MAD1L1: variants seen among roughly 807,000 people sequenced by gnomAD.
The protein encoded by MAD1L1 is mitotic spindle assembly checkpoint protein MAD1.
MAD1L1 carries 95 observed loss-of-function variants against 96.9 expected under a neutral mutation model. That is an observed-to-expected ratio of 0.98 (90% CI 0.83 to 1.16). The LOEUF (loss-of-function observed/expected upper bound fraction) is 1.16. MAD1L1 is among the 50% of genes most tolerant of loss of function. The pLI is 0.00. For missense variants in MAD1L1, 1,007 were observed against 954.4 expected, an observed-to-expected ratio of 1.06 and a Z score of -0.73; for synonymous variants, 473 against 396.6, an observed-to-expected ratio of 1.19 and a Z score of -2.29.
In MAD1L1 at chr7:2,150,413, G is replaced by A. The variant is rs529264864; in HGVS notation, c.987-1175C>T. Among the ~76,000 whole-genome samples, 206 of 152,242 alleles carry A rather than the reference G, an allele frequency of 1.4e-3. 2 individuals carry two copies. Among genetic ancestry groups the A allele is most frequent in the African/African-American group, 4.7e-3 (194 of 41,526 alleles). The stretch of plus-strand genomic sequence containing the variant: ...CAGACTCTGCCCTGAGACAGCCACT[G>A]ACCTTTCCTGTCACTTGAGCACCCT... On this transcript the variant is annotated intron_variant, in intron 10 of 18. Coordinates refer to ENST00000265854, the MANE Select transcript of MAD1L1 (RefSeq NM_001013836.2).
chr7:2,014,604 G>A lies in MAD1L1; in HGVS notation c.1257C>T (p.Asp419=), dbSNP rs1286676284. The change falls in exon 13 of 19, where the codon GAC becomes GAT. Residue 419 remains aspartate (D), a synonymous_variant. Transcript: ENST00000265854. ...DGMRAILGSY[D]SELTPAEYSP... Reference sequence around the variant, plus strand: ...AGTACTCGGCCGGGGTCAGCTCGCTGTCGTAGGACCCCAGGATGGCCCGCA... The same window carrying A: ...AGTACTCGGCCGGGGTCAGCTCGCTATCGTAGGACCCCAGGATGGCCCGCA... 8 of 1,612,490 alleles carry A rather than the reference G, an allele frequency of 5.0e-6. No homozygotes were observed. The highest frequency in any genetic ancestry group is 6.8e-6 in the Non-Finnish European group (8 of 1,179,746).
At chr7:1,907,384 C>A (rs1787727545) in intron 17 of MAD1L1, among the ~76,000 whole-genome samples, 1 of 152,202 alleles carries the variant, frequency 6.6e-6, no homozygotes, top group South Asian at 2.1e-4. Context: ...CACGGCACAG[C>A]CATTTTTCTT....
intron 17 of MAD1L1, among the ~76,000 whole-genome samples, chr7:1,919,604 C>T (rs977516559): frequency 6.6e-6 from 1 of 152,262 alleles, no homozygotes; most frequent in Non-Finnish European, 1.5e-5. Context: ...CAGGCCACAG[C>T]CGCCATCGTC....
At chr7:2,001,589 G>A (rs1781795891) in intron 14 of MAD1L1, among the ~76,000 whole-genome samples, 1 of 152,236 alleles carries the variant, frequency 6.6e-6, no homozygotes, top group Admixed American at 6.5e-5. Context: ...ACAGAGGGCA[G>A]ATAAGCACTC....
rs531175465 is a variant in MAD1L1, at chr7:1,817,248, T to C, written c.1999-1020A>G. ...GCGTCGCTGGCGGGAGCGTGTGTGG[T>C]GCGGCCACTGCAAACAGCCGGCAGC... is the stretch of plus-strand genomic sequence containing the variant. On this transcript the variant is annotated intron_variant, in intron 18 of 18. Coordinates refer to ENST00000265854, the MANE Select transcript of MAD1L1 (RefSeq NM_001013836.2). Among the ~76,000 whole-genome samples, 5 of 151,988 alleles carry C rather than the reference T, an allele frequency of 3.3e-5. No individual in the cohort carries two copies. In the South Asian group the frequency reaches 1.0e-3, roughly 32 times the overall value.
chr7:1,906,040 A>T (rs1188600965), intron 17 of MAD1L1, among the ~76,000 whole-genome samples: 1 of 125,346 alleles, frequency 8.0e-6, no homozygotes, highest in Non-Finnish European at 1.7e-5. Flanking sequence ...ACACAGTAAG[A>T]CTCCATCTCA....
intron 11 of MAD1L1, among the ~76,000 whole-genome samples, chr7:2,123,430 G>A (rs569228329): frequency 1.3e-3 from 202 of 152,298 alleles, no homozygotes; most frequent in Non-Finnish European, 2.2e-3. Context: ...GGTGCAGGAC[G>A]GAGAGAGGGC....
At chr7:2,209,021 G>A (rs1212168899) in intron 10 of MAD1L1, among the ~76,000 whole-genome samples, 3 of 152,102 alleles carry the variant, frequency 2.0e-5, no homozygotes, top group Admixed American at 1.3e-4. Context: ...CCTTCCCCAC[G>A]TGTGTTCACG....
chr7:2,218,181 G>A (rs567232277), intron 6 of MAD1L1, 138 bp from the exon 7 acceptor site: 11 of 657,254 alleles, frequency 1.7e-5, no homozygotes, highest in Middle Eastern at 3.4e-4. Flanking sequence ...CCACGGCACA[G>A]ACCCCCCGCC....
chr7:1,817,573 A>C (rs1043785273), intron 18 of MAD1L1: 2 of 152,160 alleles, frequency 1.3e-5, no homozygotes, highest in African/African-American at 4.8e-5. Flanking sequence ...TGCCCAGGGG[A>C]TGTCCTGGAG....
At position 1,816,059 on chromosome 7, in the gene MAD1L1, G is replaced by A. The variant is rs145736405; in HGVS notation, c.*11C>T. The A allele has an allele frequency of 1.0e-4, 160 of 1,602,770 alleles. No individual in the cohort carries two copies. The African/African-American group carries it at 1.7e-3, about 18-fold the overall frequency. On this transcript the variant is annotated 3_prime_UTR_variant, in exon 19 of 19. Coordinates refer to ENST00000265854, the MANE Select transcript of MAD1L1 (RefSeq NM_001013836.2). ...GCAGAGTGGCTCCGGCTATGCCCCC[G>A]AGCCTGCAGGCTACGCCACGGTCTG...
chr7:1,870,882 G>A (rs1215365667), intron 18 of MAD1L1, among the ~76,000 whole-genome samples: 12 of 128,076 alleles, frequency 9.4e-5, no homozygotes, highest in African/African-American at 2.2e-4. Flanking sequence ...CCTAACATAC[G>A]CCTGCCACGA....
chr7:2,180,916 A>G (rs1008613345), intron 10 of MAD1L1, among the ~76,000 whole-genome samples: 2 of 152,160 alleles, frequency 1.3e-5, no homozygotes, highest in Non-Finnish European at 2.9e-5. Flanking sequence ...TCCTGGGTAG[A>G]GCCTCCAGCA....
intron 12 of MAD1L1, among the ~76,000 whole-genome samples, chr7:2,067,646 G>A (rs944401853): frequency 2.6e-4 from 39 of 152,348 alleles, no homozygotes; most frequent in African/African-American, 8.7e-4. Flanking sequence ...GTCAGCCCGC[G>A]TGCTGTGGCC....
chr7:2,022,435 A>C (rs1352731535), intron 12 of MAD1L1, among the ~76,000 whole-genome samples: 1 of 152,238 alleles, frequency 6.6e-6, no homozygotes, highest in Non-Finnish European at 1.5e-5. Flanking sequence ...GTTCAAGACC[A>C]GCCTGGCCAA....
intron 12 of MAD1L1, among the ~76,000 whole-genome samples, chr7:2,064,792 G>GAAT (rs557052926): frequency 0.032 from 4,640 of 144,304 alleles, 152 homozygotes; most frequent in Admixed American, 0.091. Flanking sequence ...CTTCTCCCAG[G>GAAT]ACGGAGGCTT....
intron 11 of MAD1L1, among the ~76,000 whole-genome samples, chr7:2,126,877 T>C (rs977154183): frequency 2.6e-5 from 4 of 152,114 alleles, no homozygotes; most frequent in Admixed American, 2.0e-4. Context: ...AATAACCCCC[T>C]CTCACACTGC....
intron 1 of MAD1L1, among the ~76,000 whole-genome samples, chr7:2,232,446 C>G (rs988418386): frequency 6.6e-6 from 1 of 152,234 alleles, no homozygotes; most frequent in African/African-American, 2.4e-5. Context: ...ATGCCAAGAG[C>G]CCCTGCAGCC....
At chr7:2,113,525 A>G (rs1225196134) in intron 11 of MAD1L1, among the ~76,000 whole-genome samples, 1 of 152,198 alleles carries the variant, frequency 6.6e-6, no homozygotes, top group Non-Finnish European at 1.5e-5. Flanking sequence ...GGTTGCAGTG[A>G]GCCAAGATTA....
Sources: allele counts gnomAD v4.1 joint callset (sites outside exome capture counted in the v4.1 genomes callset), GRCh38; gene constraint gnomAD v4.1.1; transcripts MANE v1.5; gene names NCBI Gene and HGNC (gene_info 2026-07-23, HGNC 2026-07-21).